The following KANSL2 variants were observed in gnomAD, a reference collection of about 807,000 sequenced individuals.
The protein encoded by KANSL2 is NSL complex protein NSL2.
A neutral mutation model predicts 55.6 loss-of-function variants in KANSL2; 34 were observed. The ratio of observed to expected loss-of-function variants is 0.61; its 90% CI spans 0.46 to 0.81. The LOEUF (loss-of-function observed/expected upper bound fraction) is 0.81, where lower values mean the gene tolerates loss of function less well. KANSL2 is among the 40% of genes least tolerant of loss of function. KANSL2 has a pLI of 0.00. For missense variants in KANSL2, 502 were observed against 609.9 expected, an observed-to-expected ratio of 0.82 and a Z score of 1.86; for synonymous variants, 209 against 214.3, an observed-to-expected ratio of 0.98 and a Z score of 0.22.
chr12:48,662,734 T>A (rs763064737), intron 7 of KANSL2: 80 of 938,038 alleles, frequency 8.5e-5, no homozygotes, highest in Admixed American at 1.5e-4. Flanking sequence ...GGAAAAAAAA[T>A]ACTTCCCTTC....
intron 7 of KANSL2, chr12:48,662,784 T>TATTTGC: frequency 2.2e-6 from 1 of 459,962 alleles, no homozygotes; most frequent in South Asian, 2.9e-5. Context: ...TATATTTATA[T>TATTTGC]TTTAATAAGC....
chr12:48,679,092 T>C lies in KANSL2; in HGVS notation c.489A>G (p.Arg163=), dbSNP rs1442753690. ...QEPITVDQTW[R]GDPDSEADSI... is the part of the protein sequence containing the mutation. ...TATCAGCTTCACTGTCAGGGTCACCTCTCCATGTCTGATCCACAGTAATGG... is the reference window on the plus strand; with the variant it reads ...TATCAGCTTCACTGTCAGGGTCACCCCTCCATGTCTGATCCACAGTAATGG... The change falls in exon 4 of 10, where the codon AGA becomes AGG. Residue 163 remains arginine, a synonymous_variant. Transcript: ENST00000420613. 3.1e-6 allele frequency: 5 copies of C among 1,613,884 alleles called. No individual in the cohort carries two copies. Among genetic ancestry groups the C allele is most frequent in the Non-Finnish European group, 4.2e-6 (5 of 1,179,862 alleles).
intron 4 of KANSL2, among the ~76,000 whole-genome samples, chr12:48,676,224 T>C (rs1592108792): frequency 6.6e-6 from 1 of 152,130 alleles, no homozygotes; most frequent in Admixed American, 6.5e-5. Context: ...TACTTGAGCC[T>C]CTCGAGTAGT....
chr12:48,677,841 T>C (rs1267834442), intron 4 of KANSL2, among the ~76,000 whole-genome samples: 2 of 151,308 alleles, frequency 1.3e-5, no homozygotes, highest in African/African-American at 4.9e-5. Context: ...AGTTACTATT[T>C]GTGAGAGAAT....
At chr12:48,676,258 A>G (rs1939819169) in intron 4 of KANSL2, among the ~76,000 whole-genome samples, 1 of 152,090 alleles carries the variant, frequency 6.6e-6, no homozygotes, top group African/African-American at 2.4e-5. Flanking sequence ...CACGTGCACC[A>G]CCACGTCTGG....
intron 4 of KANSL2, among the ~76,000 whole-genome samples, chr12:48,678,613 T>TA (rs1373069013): frequency 1.3e-5 from 2 of 152,202 alleles, no homozygotes; most frequent in African/African-American, 4.8e-5. Flanking sequence ...TATATAACTT[T>TA]AAAAAATTTA....
At chr12:48,681,333 A>AG in intron 2 of KANSL2, 49 bp downstream of exon 2, 1 of 1,549,716 alleles carries the variant, frequency 6.5e-7, no homozygotes, top group Non-Finnish European at 8.7e-7. Flanking sequence ...ATCATATCAC[A>AG]TACCCCCTCG....
chr12:48,662,043 G>A (rs1939497514), intron 7 of KANSL2, among the ~76,000 whole-genome samples: 2 of 152,178 alleles, frequency 1.3e-5, no homozygotes, highest in East Asian at 1.9e-4. Context: ...GAAAATCTAA[G>A]CAATATCTAA....
intron 3 of KANSL2, 186 bp from the exon 4 acceptor site, chr12:48,679,336 T>C (rs1939880002): frequency 1.5e-6 from 1 of 667,858 alleles, no homozygotes; most frequent in Non-Finnish European, 2.7e-6. Flanking sequence ...GTAAGATTAC[T>C]TACAACATAA....
intron 3 of KANSL2, 34 bp from the exon 4 acceptor site, chr12:48,679,184 T>C (rs1939875723): frequency 2.2e-6 from 3 of 1,382,354 alleles, no homozygotes; most frequent in Non-Finnish European, 2.1e-6. Flanking sequence ...CCATTAAGAC[T>C]TCCCACCTCT....
At chr12:48,667,528 C>T (rs1255651280) in intron 7 of KANSL2, 165 bp downstream of exon 7, 1 of 745,226 alleles carries the variant, frequency 1.3e-6, no homozygotes, top group Non-Finnish European at 2.5e-6. Context: ...CATAGAAAGA[C>T]AATTCTTTAG....
At chr12:48,678,819 G>A (rs1329426429) in intron 4 of KANSL2, among the ~76,000 whole-genome samples, 1 of 152,046 alleles carries the variant, frequency 6.6e-6, no homozygotes, top group Admixed American at 6.6e-5. Context: ...AGAATTTGGT[G>A]TTCAAACTTT....
intron 4 of KANSL2, among the ~76,000 whole-genome samples, chr12:48,674,377 T>TGA (rs1939783089): frequency 6.6e-6 from 1 of 152,164 alleles, no homozygotes; most frequent in South Asian, 2.1e-4. Context: ...CTCAAACTCC[T>TGA]GAGTTCAGGC....
chr12:48,655,120 G>GC (rs1939352265), intron 8 of KANSL2, 60 bp from the exon 9 acceptor site: 1 of 1,512,442 alleles, frequency 6.6e-7, no homozygotes, highest in East Asian at 2.5e-5. Flanking sequence ...AAGTTGGCAT[G>GC]TTTTTCAGCA....
chr12:48,660,955 T>C (rs539486761), intron 7 of KANSL2, among the ~76,000 whole-genome samples: 1 of 152,244 alleles, frequency 6.6e-6, no homozygotes, highest in African/African-American at 2.4e-5. Flanking sequence ...AGAAGAAACA[T>C]GTAGTGGCAA....
chr12:48,672,256 A>G (rs1024772049), intron 4 of KANSL2, among the ~76,000 whole-genome samples: 1 of 151,714 alleles, frequency 6.6e-6, no homozygotes. Context: ...AACACTTTAA[A>G]CTTTTATTAA....
chr12:48,667,395 T>C (rs918126628), intron 7 of KANSL2: 1 of 387,504 alleles, frequency 2.6e-6, no homozygotes, highest in Non-Finnish European at 5.0e-6. Context: ...ATTTTATGTA[T>C]ATTTTGGGAC....
rs374982022 is a variant in KANSL2, at chr12:48,656,778, G to A, written c.1228-1718C>T. ...AGCAAACCATTGGTCTTGATTCAGGGCCTAAGGCAATACAAACTCAAACAA... is the reference window on the plus strand; with the variant it reads ...AGCAAACCATTGGTCTTGATTCAGGACCTAAGGCAATACAAACTCAAACAA... On this transcript the variant is annotated intron_variant, in intron 8 of 9. Coordinates refer to ENST00000420613, the MANE Select transcript of KANSL2 (RefSeq NM_017822.4). The A allele has an allele frequency of 2.9e-4, 145 of 506,746 alleles. 2 individuals are homozygous for A. The Middle Eastern group carries it at 0.012, about 43-fold the overall frequency. The allele number at this position is 506,746 out of a possible 1,614,324, so 31.4% of individuals were successfully genotyped here.
Position 48,682,202 on chromosome 12 carries a change from G to GGA in KANSL2, c.-26_-25insTC, listed in dbSNP as rs1939944474. ...GCCATCTTACCTCAGGAGCTGCGCT[G>GGA]CGCCGCACTCTGCCGCGCCGCTCGC... On this transcript the variant is annotated 5_prime_UTR_variant, in exon 1 of 10. Transcript: ENST00000420613. 4.5e-6 allele frequency: 3 copies of GGA among 666,552 alleles called. No individual in the cohort carries two copies. Among genetic ancestry groups the GGA allele is most frequent in the South Asian group, 1.6e-5 (1 of 63,244 alleles). The allele number at this position is 666,552 out of a possible 1,614,324, so 41.3% of individuals were successfully genotyped here. A position where few individuals can be genotyped will look rare whatever the true frequency, so the allele number is the denominator to read the frequency against.
Sources: allele counts gnomAD v4.1 joint callset (sites outside exome capture counted in the v4.1 genomes callset), GRCh38; gene constraint gnomAD v4.1.1; transcripts MANE v1.5; gene names NCBI Gene and HGNC (gene_info 2026-07-23, HGNC 2026-07-21).